CBLB: variants seen among roughly 807,000 people sequenced by gnomAD.
The protein encoded by CBLB is Cbl proto-oncogene B.
CBLB carries 31 observed loss-of-function variants against 104.9 expected under a neutral mutation model. The observed-to-expected ratio is 0.30, with a 90% CI of 0.22 to 0.40. The LOEUF (loss-of-function observed/expected upper bound fraction) is 0.40, where lower values mean the gene tolerates loss of function less well. Among genes scored for constraint, CBLB ranks in the 10% least tolerant of loss-of-function variants. The probability of loss-of-function intolerance (pLI) is 1.00; values close to 1 mark genes in which losing one functional copy is unlikely to be tolerated. For missense variants in CBLB, 1,062 were observed against 1,214.6 expected, an observed-to-expected ratio of 0.87 and a Z score of 1.87; for synonymous variants, 440 against 422.6, an observed-to-expected ratio of 1.04 and a Z score of -0.51.
intron 3 of CBLB, among the ~76,000 whole-genome samples, chr3:105,803,075 A>C (rs1292488538): frequency 6.6e-6 from 1 of 152,238 alleles, no homozygotes; most frequent in Non-Finnish European, 1.5e-5. Context: ...AGTGCTCATT[A>C]TAAATAGCAC....
At chr3:105,767,562 C>CTTTTTTTTTTT (rs34794014) in intron 4 of CBLB, among the ~76,000 whole-genome samples, 3 of 141,130 alleles carry the variant, frequency 2.1e-5, no homozygotes, top group Admixed American at 7.0e-5. Flanking sequence ...CTTTTTCTTT[C>CTTTTTTTTTTT]TTTTTTTTTT....
chr3:105,844,063 A>C (rs145809564), intron 3 of CBLB, among the ~76,000 whole-genome samples: 12 of 152,328 alleles, frequency 7.9e-5, no homozygotes, highest in African/African-American at 2.9e-4. Context: ...GTGTTTTTGT[A>C]AGAGGGAAAT....
In CBLB at chr3:105,657,860, G is replaced by T; in HGVS notation, c.*1110C>A. 4.8e-6 allele frequency: 1 copy of T among 209,852 alleles called. No individual in the cohort carries two copies. The highest frequency in any genetic ancestry group is 9.7e-6 in the Non-Finnish European group (1 of 103,290). 13.0% of individuals were successfully genotyped at this position (209,852 alleles called of 1,614,324 possible). On this transcript the variant is annotated 3_prime_UTR_variant, in exon 19 of 19. Transcript: ENST00000394030. ...CAAAAAACATTGCCACAGTAGCCTTGACACTCAACAGTGCAACGAAGAGTT... is the reference window on the plus strand; with the variant it reads ...CAAAAAACATTGCCACAGTAGCCTTTACACTCAACAGTGCAACGAAGAGTT...
intron 4 of CBLB, among the ~76,000 whole-genome samples, chr3:105,761,027 T>C (rs1162276615): frequency 6.6e-6 from 1 of 152,174 alleles, no homozygotes; most frequent in African/African-American, 2.4e-5. Context: ...GTTGTTGTTT[T>C]TGTTTTTCAT....
At chr3:105,686,451 GA>G (rs3831886) in intron 13 of CBLB, among the ~76,000 whole-genome samples, 155 of 137,028 alleles carry the variant, frequency 1.1e-3, no homozygotes, top group African/African-American at 2.2e-3. Context: ...AAAAAGGAAG[GA>G]AAAAAAAAAA....
chr3:105,857,616 T>C (rs1237615614), intron 2 of CBLB, among the ~76,000 whole-genome samples: 1 of 152,244 alleles, frequency 6.6e-6, no homozygotes, highest in Non-Finnish European at 1.5e-5. Flanking sequence ...TCTAACTGTA[T>C]CACAATTTAA....
intron 3 of CBLB, among the ~76,000 whole-genome samples, chr3:105,777,823 T>C (rs561466982): frequency 6.6e-6 from 1 of 152,356 alleles, no homozygotes; most frequent in Admixed American, 6.5e-5. Context: ...ATTTAAACCA[T>C]GCTTCATACT....
At chr3:105,661,627 C>T (rs1365721246) in intron 18 of CBLB, among the ~76,000 whole-genome samples, 1 of 152,046 alleles carries the variant, frequency 6.6e-6, no homozygotes, top group Non-Finnish European at 1.5e-5. Context: ...CACATGAATG[C>T]CAGGCATGTT....
intron 3 of CBLB, among the ~76,000 whole-genome samples, chr3:105,826,389 G>A (rs1244615684): frequency 6.6e-6 from 1 of 152,114 alleles, no homozygotes; most frequent in East Asian, 1.9e-4. Flanking sequence ...AAACACTTTA[G>A]CTTTTTGGTA....
At chr3:105,807,756 C>T (rs746338022) in intron 3 of CBLB, among the ~76,000 whole-genome samples, 2 of 152,072 alleles carry the variant, frequency 1.3e-5, no homozygotes, top group Admixed American at 6.5e-5. Context: ...AAAGGTTATT[C>T]GGAATAACTT....
intron 7 of CBLB, among the ~76,000 whole-genome samples, chr3:105,739,523 G>A (rs2075306543): frequency 6.6e-6 from 1 of 152,230 alleles, no homozygotes; most frequent in South Asian, 2.1e-4. Flanking sequence ...AGAAGAATCA[G>A]ACATATTTAC....
At chr3:105,705,497 C>T (rs990936816) in intron 10 of CBLB, among the ~76,000 whole-genome samples, 1 of 152,154 alleles carries the variant, frequency 6.6e-6, no homozygotes, top group Non-Finnish European at 1.5e-5. Context: ...ATGACTTTGA[C>T]AGTTTTGTAA....
At chr3:105,836,389 A>C (rs571517141) in intron 3 of CBLB, among the ~76,000 whole-genome samples, 130 of 152,314 alleles carry the variant, frequency 8.5e-4, no homozygotes, top group Non-Finnish European at 1.6e-3. Context: ...TTGCTATAAT[A>C]AATAAAAATT....
At chr3:105,796,193 A>G (rs1221841762) in intron 3 of CBLB, among the ~76,000 whole-genome samples, 2 of 152,202 alleles carry the variant, frequency 1.3e-5, no homozygotes, top group Non-Finnish European at 2.9e-5. Flanking sequence ...ACTTCAAACT[A>G]TATTACAGGG....
intron 3 of CBLB, among the ~76,000 whole-genome samples, chr3:105,798,328 T>C (rs2082463202): frequency 6.6e-6 from 1 of 152,198 alleles, no homozygotes; most frequent in African/African-American, 2.4e-5. Context: ...ATAAAATAAA[T>C]ATTATCAGTA....
rs34686140 is a variant in CBLB at position 105,681,551 on chromosome 3, G to A, written c.2356C>T (p.Arg786Trp). ...VPLPPARPPT[R>W]DNPKHGSSLN... ...GAAGAACCATGCTTTGGATTGTCCC[G>A]AGTTGGAGGCCTGGCAGGTGGTAAT... The change falls in exon 16 of 19, where the codon CGG becomes TGG. Residue 786 changes from arginine to tryptophan, a missense_variant. Physicochemically the swap from Arg to Trp is moderately radical, Grantham distance 101. This residue lies in a region of CBLB where 605 missense variants were observed against 582.6 expected (regional missense o/e 1.04). Transcript: ENST00000394030. 4.8e-5 allele frequency: 77 copies of A among 1,613,938 alleles called. No homozygotes were observed. The highest frequency in any genetic ancestry group is 3.6e-4 in the African/African-American group (27 of 75,038).
At chr3:105,813,886 T>C (rs1157920807) in intron 3 of CBLB, among the ~76,000 whole-genome samples, 1 of 152,176 alleles carries the variant, frequency 6.6e-6, no homozygotes, top group African/African-American at 2.4e-5. Flanking sequence ...GCTTTTCTCC[T>C]CTTCAACACT....
At chr3:105,763,362 C>A (rs1035345644) in intron 4 of CBLB, among the ~76,000 whole-genome samples, 1 of 152,132 alleles carries the variant, frequency 6.6e-6, no homozygotes, top group Non-Finnish European at 1.5e-5. Context: ...AGAATGACAT[C>A]GTTTGGCTGT....
chr3:105,833,971 T>C (rs1031777897), intron 3 of CBLB, among the ~76,000 whole-genome samples: 2 of 152,034 alleles, frequency 1.3e-5, no homozygotes, highest in Non-Finnish European at 2.9e-5. Context: ...CAGAATTAAC[T>C]TGCCCTCTGA....
Sources: gnomAD v4.1 joint callset for allele counts (sites outside exome capture counted in the v4.1 genomes callset) on GRCh38, gnomAD v4.1.1 for gene constraint, gnomAD v4.1.1 regional missense constraint, MANE v1.5 for transcripts, NCBI Gene and HGNC (gene_info 2026-07-23, HGNC 2026-07-21) for gene names.